USH2A: variants seen among roughly 807,000 people sequenced by gnomAD.
USH2A encodes usherin.
In USH2A, 443 loss-of-function variants were observed where a neutral mutation model predicts 538.9. The observed-to-expected ratio is 0.82, with a 90% CI of 0.76 to 0.89. The LOEUF (loss-of-function observed/expected upper bound fraction) is 0.89, where lower values mean the gene tolerates loss of function less well. Among genes scored for constraint, USH2A ranks in the 40% least tolerant of loss-of-function variants. The pLI, the probability that USH2A is intolerant of heterozygous loss-of-function variation, is 0.00. For synonymous variants in USH2A, 2,413 were observed against 2,273.5 expected, an observed-to-expected ratio of 1.06 and a Z score of -1.75; for missense variants, 6,633 against 6,324.8, an observed-to-expected ratio of 1.05 and a Z score of -1.65.
chr1:215,910,759 A>G (rs1023566832), intron 38 of USH2A, among the ~76,000 whole-genome samples: 2 of 151,854 alleles, frequency 1.3e-5, no homozygotes, highest in African/African-American at 2.4e-5. Flanking sequence ...AAAACTATGA[A>G]CATTTGTTCA....
chr1:216,316,669 A>G (rs958761002), intron 9 of USH2A, among the ~76,000 whole-genome samples: 3 of 152,152 alleles, frequency 2.0e-5, no homozygotes, highest in South Asian at 2.1e-4. Flanking sequence ...TTAACTTTTA[A>G]TAATCGCCAT....
At chr1:215,838,470 A>G (rs999227423) in intron 46 of USH2A, among the ~76,000 whole-genome samples, 2 of 152,202 alleles carry the variant, frequency 1.3e-5, no homozygotes, top group Non-Finnish European at 2.9e-5. Flanking sequence ...CTCTAAATCT[A>G]TAACTAAGTA....
Position 215,674,250 on chromosome 1 carries a change from G to A in USH2A, c.13661C>T (p.Pro4554Leu), listed in dbSNP as rs1657918305. 1.9e-6 allele frequency: 3 copies of A among 1,613,998 alleles called. No individual in the cohort carries two copies. The highest frequency in any genetic ancestry group is 2.5e-6 in the Non-Finnish European group (3 of 1,180,024). Residue 4554 changes from proline (P) to leucine (L), a missense_variant, in exon 63 of 72, where the codon CCT becomes CTT. Pro to Leu is a moderately conservative substitution (Grantham distance 98). Coordinates refer to ENST00000307340, the MANE Select transcript of USH2A (RefSeq NM_206933.4). ...GPQEILVNWD[P>L]PVRTNGDIIN... Reference sequence around the variant, plus strand: ...GATATCACCATTTGTTCTCACTGGAGGGTCCCAGTTCACTAAGATCTCCTG... The same window carrying A: ...GATATCACCATTTGTTCTCACTGGAAGGTCCCAGTTCACTAAGATCTCCTG...
rs1439609870 is a variant in USH2A, at chr1:215,876,184, AAGTAGTTGAGAAT to A, written c.8681+1561_8681+1573del. 4.6e-5 allele frequency among the ~76,000 whole-genome samples: 7 copies of A among 152,234 alleles called. No homozygotes were observed. The East Asian group carries it at 1.4e-3, about 29-fold the overall frequency. On this transcript the variant is annotated intron_variant, in intron 43 of 71. Coordinates refer to ENST00000307340, the MANE Select transcript of USH2A (RefSeq NM_206933.4). ...CCAAATTAAGTAAATAATGAATTAAAAGTAGTTGAGAATAGTATAATGAGCATTATAATTTAGG... is the reference window on the plus strand; with the variant it reads ...CCAAATTAAGTAAATAATGAATTAAAAGTATAATGAGCATTATAATTTAGG...
At chr1:215,775,710 T>G (rs545194368) in intron 55 of USH2A, among the ~76,000 whole-genome samples, 69 of 152,282 alleles carry the variant, frequency 4.5e-4, no homozygotes, top group Non-Finnish European at 8.8e-4. Context: ...TTAAAGTATG[T>G]TTTCTCTTTT....
rs1660298900 is a variant in USH2A at position 215,741,426 on chromosome 1, C to A, written c.11660G>T (p.Trp3887Leu). 6.2e-7 allele frequency: 1 copy of A among 1,613,626 alleles called. No individual in the cohort carries two copies. Among genetic ancestry groups the A allele is most frequent in the Non-Finnish European group, 8.5e-7 (1 of 1,179,936 alleles). Residue 3887 changes from tryptophan to leucine, a missense_variant, in exon 60 of 72, where the codon TGG becomes TTG. Physicochemically the swap from Trp to Leu is moderately conservative, Grantham distance 61. Coordinates refer to ENST00000307340, the MANE Select transcript of USH2A (RefSeq NM_206933.4). ...ALGSACIEIKWMPPEKPNGII... is the reference protein window; with the variant it reads ...ALGSACIEIKLMPPEKPNGII... The stretch of plus-strand genomic sequence containing the variant: ...TCCATTTGGTTTTTCAGGTGGCATC[C>A]ACTTAATCTCTATGCAAGCTGACCC...
intron 11 of USH2A, among the ~76,000 whole-genome samples, chr1:216,261,535 A>G (rs1252736260): frequency 2.6e-5 from 4 of 152,116 alleles, no homozygotes; most frequent in African/African-American, 9.6e-5. Flanking sequence ...GGCTAACAAT[A>G]ATAATGAGAT....
intron 70 of USH2A, 82 bp downstream of exon 70, chr1:215,634,377 G>A (rs1656404795): frequency 6.2e-7 from 1 of 1,600,894 alleles, no homozygotes; most frequent in Non-Finnish European, 8.5e-7. Flanking sequence ...TGTTACCATG[G>A]CTATGACACA....
At chr1:216,327,374 T>C (rs2037756385) in intron 5 of USH2A, among the ~76,000 whole-genome samples, 1 of 152,088 alleles carries the variant, frequency 6.6e-6, no homozygotes, top group South Asian at 2.1e-4. Context: ...TTAGGAAAAA[T>C]GTGATCAATT....
At chr1:216,105,197 T>C (rs1057070018) in intron 21 of USH2A, among the ~76,000 whole-genome samples, 3 of 152,134 alleles carry the variant, frequency 2.0e-5, no homozygotes, top group Admixed American at 6.5e-5. Flanking sequence ...GTTAGCGCTT[T>C]GTTTGTACCT....
At chr1:215,994,275 T>C (rs1233588945) in intron 34 of USH2A, among the ~76,000 whole-genome samples, 2 of 152,202 alleles carry the variant, frequency 1.3e-5, no homozygotes, top group Non-Finnish European at 1.5e-5. Flanking sequence ...CATCTCTTTC[T>C]TTAGGCGTCT....
chr1:215,782,635 A>T, intron 53 of USH2A, 103 bp downstream of exon 53: 3 of 1,193,262 alleles, frequency 2.5e-6, no homozygotes, highest in Non-Finnish European at 3.6e-6. Flanking sequence ...ATACTTTTCT[A>T]GTGGTTAGAT....
intron 70 of USH2A, among the ~76,000 whole-genome samples, chr1:215,630,520 ATATATATG>A (rs1274554616): frequency 8.9e-6 from 1 of 112,352 alleles, no homozygotes; most frequent in East Asian, 2.5e-4. Context: ...ATATATATAT[ATATATATG>A]AGAGAGAGAA....
intron 21 of USH2A, among the ~76,000 whole-genome samples, chr1:216,170,388 G>A (rs960228759): frequency 1.5e-4 from 23 of 152,156 alleles, no homozygotes; most frequent in Non-Finnish European, 2.9e-4. Context: ...TCATTATTAT[G>A]AAGAAACTGT....
At chr1:215,854,984 CA>C (rs753844797) in intron 44 of USH2A, among the ~76,000 whole-genome samples, 16 of 152,208 alleles carry the variant, frequency 1.1e-4, no homozygotes, top group Non-Finnish European at 2.2e-4. Context: ...TTCAATTTAA[CA>C]GGCTGCTCTT....
At chr1:216,336,010 A>T (rs2037967599) in intron 4 of USH2A, among the ~76,000 whole-genome samples, 1 of 151,610 alleles carries the variant, frequency 6.6e-6, no homozygotes, top group African/African-American at 2.4e-5. Context: ...TACAGATGCA[A>T]AAGTCTTCAA....
intron 37 of USH2A, among the ~76,000 whole-genome samples, chr1:215,946,857 CTT>C (rs1326890022): frequency 6.6e-6 from 1 of 152,124 alleles, no homozygotes; most frequent in Non-Finnish European, 1.5e-5. Context: ...CAACTGAAAA[CTT>C]ATGACATCTA....
At chr1:215,847,825 AT>A (rs1188153301) in intron 44 of USH2A, among the ~76,000 whole-genome samples, 1 of 152,152 alleles carries the variant, frequency 6.6e-6, no homozygotes, top group African/African-American at 2.4e-5. Flanking sequence ...ACCCCTTTAC[AT>A]TAAAGTCTTG....
Position 216,199,996 on chromosome 1 carries a change from G to T in USH2A, c.3442C>A (p.Pro1148Thr). Residue 1148 changes from proline to threonine, a missense_variant, in exon 17 of 72, where the codon CCA becomes ACA. Pro to Thr is a conservative substitution (Grantham distance 38). Coordinates refer to ENST00000307340, the MANE Select transcript of USH2A (RefSeq NM_206933.4). Reference protein sequence around the residue: ...AVTYKTKPGVPEGNLTLSYII... With the variant: ...AVTYKTKPGVTEGNLTLSYII... ...TAACTTAAAGTCAAGTTTCCCTCTG[G>T]GACCCCTGGTTTTGTCTTGTAAGTG... 6.2e-7 allele frequency: 1 copy of T among 1,613,972 alleles called. No individual in the cohort carries two copies. The highest frequency in any genetic ancestry group is 1.1e-5 in the South Asian group (1 of 91,088).
Sources: gnomAD v4.1 joint callset for allele counts (sites outside exome capture counted in the v4.1 genomes callset) on GRCh38, gnomAD v4.1.1 for gene constraint, MANE v1.5 for transcripts, NCBI Gene and HGNC (gene_info 2026-07-23, HGNC 2026-07-21) for gene names.